Variants in ZNF462 observed in about 807,000 individuals in gnomAD.
ZNF462 encodes the protein zinc finger PBX1-interacting protein.
A neutral mutation model predicts 201.9 loss-of-function variants in ZNF462; 10 were observed. The observed-to-expected ratio is 0.05, with a 90% confidence interval of 0.03 to 0.08. The LOEUF (loss-of-function observed/expected upper bound fraction) is 0.08. Among genes scored for constraint, ZNF462 ranks in the 10% least tolerant of loss-of-function variants. ZNF462 has a pLI of 1.00. For missense variants in ZNF462, 2,523 were observed against 3,168.3 expected (o/e 0.80, Z 4.89); for synonymous variants, 1,227 against 1,193.3 (o/e 1.03, Z -0.58).
chr9:106,960,445 G>A (rs1274962215), intron 7 of ZNF462, among the ~76,000 whole-genome samples: 2 of 152,044 alleles, frequency 1.3e-5, no homozygotes, highest in Admixed American at 1.3e-4. Flanking sequence ...TACGGTTGAG[G>A]CCAAGTCATT....
At chr9:106,957,997 C>T (rs777115830) in intron 7 of ZNF462, among the ~76,000 whole-genome samples, 7 of 152,068 alleles carry the variant, frequency 4.6e-5, no homozygotes, top group African/African-American at 7.2e-5. Context: ...TGTGAATGTA[C>T]TGAGTTCAAT....
chr9:106,960,664 G>A (rs1831792674), intron 7 of ZNF462, among the ~76,000 whole-genome samples: 1 of 151,990 alleles, frequency 6.6e-6, no homozygotes, highest in Non-Finnish European at 1.5e-5. Flanking sequence ...AAAAACATTA[G>A]AAAAAGGATC....
In ZNF462 at chr9:106,905,241, G is replaced by T. The variant is rs1295952977; in HGVS notation, c.-30-18113G>T. On this transcript the variant is annotated intron_variant, in intron 1 of 12. Coordinates refer to ENST00000277225, the MANE Select transcript of ZNF462 (RefSeq NM_021224.6). The surrounding 1 kb of genome is among the most constrained non-coding windows in gnomAD (Gnocchi z 5.9). ...GAGTCCACCCAGCAACAGGCTGGTTGGGGGTTTCTGCACAGAGTCCTGTGA... is the reference window on the plus strand; with the variant it reads ...GAGTCCACCCAGCAACAGGCTGGTTTGGGGTTTCTGCACAGAGTCCTGTGA... Among the ~76,000 whole-genome samples the T allele has an allele frequency of 6.6e-6, 1 of 152,156 alleles. No individual in the cohort carries two copies. Among genetic ancestry groups the T allele is most frequent in the East Asian group, 1.9e-4 (1 of 5,176 alleles).
chr9:106,932,348 ATGG>A lies in ZNF462; in HGVS notation c.6013-95_6013-93del, dbSNP rs1158893511. On this transcript the variant is annotated intron_variant, in intron 4 of 12. Coordinates refer to ENST00000277225, the MANE Select transcript of ZNF462 (RefSeq NM_021224.6). This position sits in a 1 kb window ranked among gnomAD's most constrained non-coding sequence, Gnocchi z 6.8. Reference sequence around the variant, plus strand: ...AGTGGCGCCCTGGTGGGCCGGGTGGATGGTGAACACTGCTTGCTTGATGGAATG... The same window carrying A: ...AGTGGCGCCCTGGTGGGCCGGGTGGATGAACACTGCTTGCTTGATGGAATG... 8 of 1,582,486 alleles carry A rather than the reference ATGG, an allele frequency of 5.1e-6. No individual in the cohort carries two copies. Among genetic ancestry groups the A allele is most frequent in the Non-Finnish European group, 6.9e-6 (8 of 1,163,820 alleles).
intron 1 of ZNF462, among the ~76,000 whole-genome samples, chr9:106,912,131 G>A (rs754854318): frequency 2.0e-5 from 3 of 152,008 alleles, no homozygotes; most frequent in Non-Finnish European, 4.4e-5. Context: ...CCTAAGGCTC[G>A]TTCAGCTAGC....
At chr9:106,943,128 A>C (rs2131668407) in intron 7 of ZNF462, among the ~76,000 whole-genome samples, 1 of 151,446 alleles carries the variant, frequency 6.6e-6, no homozygotes, top group East Asian at 1.9e-4. Flanking sequence ...CAGAGAAAAC[A>C]GAAAGAACAC....
In ZNF462 at chr9:106,966,611, G is replaced by A. The variant is rs1200381081; in HGVS notation, c.6428-5394G>A. Among the ~76,000 whole-genome samples the A allele has an allele frequency of 6.6e-6, 1 of 151,970 alleles. No homozygotes were observed. Among genetic ancestry groups the A allele is most frequent in the African/African-American group, 2.4e-5 (1 of 41,378 alleles). On this transcript the variant is annotated intron_variant, in intron 7 of 12. Coordinates refer to ENST00000277225, the MANE Select transcript of ZNF462 (RefSeq NM_021224.6). The surrounding 1 kb of genome is among the most constrained non-coding windows in gnomAD (Gnocchi z 4.4). ...AAACATTTTGTTTGCATTGTATCAC[G>A]ATCAATTATTTACATCTTTGTCTGA...
At position 107,006,271 on chromosome 9, in the gene ZNF462, T is replaced by C. The variant is rs1829535172; in HGVS notation, c.7189+2845T>C. Among the ~76,000 whole-genome samples, 1 of 152,176 alleles carries C rather than the reference T, an allele frequency of 6.6e-6. No homozygotes were observed. The highest frequency in any genetic ancestry group is 1.5e-5 in the Non-Finnish European group (1 of 68,030). On this transcript the variant is annotated intron_variant, in intron 11 of 12. Coordinates refer to ENST00000277225, the MANE Select transcript of ZNF462 (RefSeq NM_021224.6). The surrounding 1 kb of genome is among the most constrained non-coding windows in gnomAD (Gnocchi z 4.3). ...CACCTAATAAATGATAAGCCTGCAA[T>C]GTAGGTGTTATTTTTGTGATTTCAC...
At position 107,005,886 on chromosome 9, in the gene ZNF462, C is replaced by T. The variant is rs1464890587; in HGVS notation, c.7189+2460C>T. Among the ~76,000 whole-genome samples the T allele has an allele frequency of 6.6e-6, 1 of 152,124 alleles. No individual in the cohort carries two copies. Among genetic ancestry groups the T allele is most frequent in the Non-Finnish European group, 1.5e-5 (1 of 68,008 alleles). On this transcript the variant is annotated intron_variant, in intron 11 of 12. Transcript: ENST00000277225. The surrounding 1 kb of genome is among the most constrained non-coding windows in gnomAD (Gnocchi z 4.4). ...CTGGTGTGAGATAAGGATCTAATTT[C>T]ATTCTTCTGCATGTGGATATCCACC...
At chr9:106,916,573 G>A (rs147997646) in intron 1 of ZNF462, among the ~76,000 whole-genome samples, 9 of 152,164 alleles carry the variant, frequency 5.9e-5, no homozygotes, top group Non-Finnish European at 1.0e-4. Context: ...TAGCTCTGGG[G>A]GGGGAGAAAT....
chr9:106,887,363 C>T (rs1215918038), intron 1 of ZNF462, among the ~76,000 whole-genome samples: 1 of 152,202 alleles, frequency 6.6e-6, no homozygotes, highest in Non-Finnish European at 1.5e-5. Context: ...ACTAAATCCT[C>T]TCCCTCCGTA....
chr9:106,957,949 C>A (rs1012595684), intron 7 of ZNF462, among the ~76,000 whole-genome samples: 5 of 152,068 alleles, frequency 3.3e-5, no homozygotes, highest in African/African-American at 1.2e-4. Context: ...AAGTTCCTTT[C>A]TTTCCTTCCC....
intron 7 of ZNF462, among the ~76,000 whole-genome samples, chr9:106,960,859 A>G (rs1344698314): frequency 6.6e-6 from 1 of 152,098 alleles, no homozygotes; most frequent in Non-Finnish European, 1.5e-5. Flanking sequence ...CTGTTTCTTC[A>G]TTGGTTACCT....
chr9:106,993,188 T>A lies in ZNF462; in HGVS notation c.7056+8779T>A, dbSNP rs1828424284. On this transcript the variant is annotated intron_variant, in intron 10 of 12. Transcript: ENST00000277225. The surrounding 1 kb of genome is among the most constrained non-coding windows in gnomAD (Gnocchi z 4.0). ...AACTGAACATTCAAAACTGGACTTC[T>A]GAATTCTGCCTGCAAAGGTTATAAA... Among the ~76,000 whole-genome samples, 2 of 152,192 alleles carry A rather than the reference T, an allele frequency of 1.3e-5. No homozygotes were observed. The highest frequency in any genetic ancestry group is 1.3e-4 in the Admixed American group (2 of 15,270).
Position 106,925,198 on chromosome 9 carries a change from G to A in ZNF462, c.1286G>A (p.Gly429Glu). Residue 429 changes from glycine (G) to glutamate (E), a missense_variant, in exon 3 of 13, where the codon GGG (glycine) becomes GAG (glutamate). Physicochemically the swap from Gly to Glu is moderately conservative, Grantham distance 98. Coordinates refer to ENST00000277225, the MANE Select transcript of ZNF462 (RefSeq NM_021224.6). This position sits in a 1 kb window ranked among gnomAD's most constrained non-coding sequence, Gnocchi z 7.9. ...SDGNKLLETK[G>E]IPFRRFMNRF... Reference sequence around the variant, plus strand: ...GGCAACAAATTATTGGAGACCAAGGGGATTCCATTTAGAAGATTCATGAAT... The same window carrying A: ...GGCAACAAATTATTGGAGACCAAGGAGATTCCATTTAGAAGATTCATGAAT... 1 of 1,614,150 alleles carries A rather than the reference G, an allele frequency of 6.2e-7. No homozygotes were observed. The highest frequency in any genetic ancestry group is 8.5e-7 in the Non-Finnish European group (1 of 1,180,028).
chr9:107,008,443 G>A lies in ZNF462; in HGVS notation c.7190-1102G>A, dbSNP rs1829714473. Among the ~76,000 whole-genome samples, 1 of 152,176 alleles carries A rather than the reference G, an allele frequency of 6.6e-6. No homozygotes were observed. The highest frequency in any genetic ancestry group is 6.5e-5 in the Admixed American group (1 of 15,278). On this transcript the variant is annotated intron_variant, in intron 11 of 12. Coordinates refer to ENST00000277225, the MANE Select transcript of ZNF462 (RefSeq NM_021224.6). The surrounding 1 kb of genome is among the most constrained non-coding windows in gnomAD (Gnocchi z 4.8). The stretch of plus-strand genomic sequence containing the variant: ...CGTCCTGAGAATCTTATTAGATGGG[G>A]CATTTCAACCAGGAGGCATCTTCCT...
intron 1 of ZNF462, among the ~76,000 whole-genome samples, chr9:106,887,665 C>G (rs1828381328): frequency 6.6e-6 from 1 of 152,178 alleles, no homozygotes; most frequent in Non-Finnish European, 1.5e-5. Flanking sequence ...GTATATACAT[C>G]TATTTCTTTC....
At chr9:106,952,160 T>C (rs1002828052) in intron 7 of ZNF462, among the ~76,000 whole-genome samples, 2 of 152,168 alleles carry the variant, frequency 1.3e-5, no homozygotes, top group African/African-American at 4.8e-5. Flanking sequence ...GTTAATGAAA[T>C]GTACAGCCTT....
At chr9:106,953,071 A>C (rs969281046) in intron 7 of ZNF462, among the ~76,000 whole-genome samples, 8 of 152,082 alleles carry the variant, frequency 5.3e-5, no homozygotes, top group African/African-American at 1.9e-4. Flanking sequence ...AAATATTAAA[A>C]CCATTCTTGG....
Sources: gnomAD v4.1 joint callset for allele counts (sites outside exome capture counted in the v4.1 genomes callset) on GRCh38, gnomAD v4.1.1 for gene constraint, Gnocchi (gnomAD v3.1) non-coding constraint, MANE v1.5 for transcripts, NCBI Gene and HGNC (gene_info 2026-07-23, HGNC 2026-07-21) for gene names.